Variants in RBFOX1 observed in about 807,000 individuals in gnomAD.
RBFOX1 encodes the protein RNA binding fox-1 homolog 1, also known as RNA binding protein fox-1 homolog 1.
Under a neutral mutation model 57.7 loss-of-function variants are expected in RBFOX1, and 8 were observed. That is an observed-to-expected ratio of 0.14 (90% CI 0.08 to 0.25). The LOEUF (loss-of-function observed/expected upper bound fraction) is 0.25, where lower values mean the gene tolerates loss of function less well. Ranked by LOEUF, RBFOX1 falls within the 10% of genes least tolerant of loss-of-function variation. The pLI, the probability that RBFOX1 is intolerant of heterozygous loss-of-function variation, is 1.00. For synonymous variants in RBFOX1, 326 were observed against 222.4 expected (o/e 1.47, Z -4.15); for missense variants, 611 against 548.5 (o/e 1.11, Z -1.14).
intron 5 of RBFOX1, among the ~76,000 whole-genome samples, chr16:7,571,165 C>T (rs532374151): frequency 2.6e-5 from 4 of 152,030 alleles, no homozygotes; most frequent in South Asian, 2.1e-4. Flanking sequence ...CCATGGCACA[C>T]GTTTACTTAT....
chr16:7,567,584 T>G, intron 5 of RBFOX1, among the ~76,000 whole-genome samples: 1 of 95,486 alleles, frequency 1.0e-5, no homozygotes, highest in Non-Finnish European at 2.5e-5. Flanking sequence ...TATATCCCTA[T>G]ATATGGCCCT....
At chr16:7,598,303 G>T (rs886181358) in intron 9 of RBFOX1, among the ~76,000 whole-genome samples, 1 of 152,032 alleles carries the variant, frequency 6.6e-6, no homozygotes, top group Non-Finnish European at 1.5e-5. Flanking sequence ...TGACATAAAT[G>T]TTTGTCGCAT....
chr16:6,705,774 T>C (rs191813877), intron 3 of RBFOX1, among the ~76,000 whole-genome samples: 63 of 152,202 alleles, frequency 4.1e-4, no homozygotes, highest in Non-Finnish European at 7.6e-4. Context: ...TCCCAGCAAT[T>C]TGGGAGCCCG....
intron 2 of RBFOX1, among the ~76,000 whole-genome samples, chr16:6,464,324 A>T (rs542959696): frequency 6.6e-6 from 1 of 152,354 alleles, no homozygotes; most frequent in African/African-American, 2.4e-5. Flanking sequence ...GCTTTTACGA[A>T]AAGATATACA....
intron 4 of RBFOX1, among the ~76,000 whole-genome samples, chr16:7,082,784 C>T (rs1446626607): frequency 1.3e-5 from 2 of 152,232 alleles, no homozygotes; most frequent in African/African-American, 4.8e-5. Context: ...GCCACTGAAA[C>T]AGAGAGGCCA....
At position 5,633,831 on chromosome 16, in the gene RBFOX1, C is replaced by T. The variant is rs147138609; in HGVS notation, c.318+34870C>T. On this transcript the variant is annotated intron_variant, in intron 3 of 19. Transcript: ENST00000641259. ...GGAGGCCACTGTCCTCCAGCCTGGG[C>T]GATAGAGTGAGACTCCGTCTTAAAA... 4.8e-3 allele frequency among the ~76,000 whole-genome samples: 696 copies of T among 145,062 alleles called. 6 individuals are homozygous for T. The highest frequency in any genetic ancestry group is 0.017 in the African/African-American group (650 of 38,468).
rs12919230 is a variant in RBFOX1, at chr16:7,040,022, C to T, written c.-15-12035C>T. Among the ~76,000 whole-genome samples the T allele has an allele frequency of 3.4e-4, 29 of 85,882 alleles. No individual in the cohort carries two copies. The South Asian group carries it at 0.01, about 30-fold the overall frequency. The allele number at this position is 85,882 out of a possible 152,430, so 56.3% of individuals were successfully genotyped here. ...GTTATTTTATTATTATTATTATTAT[C>T]ATTATTATTATTATTTTGAGACAAA... On this transcript the variant is annotated intron_variant, in intron 3 of 15. Coordinates refer to ENST00000550418, the MANE Select transcript of RBFOX1 (RefSeq NM_018723.4).
chr16:7,528,388 A>C (rs1386072265), intron 5 of RBFOX1, among the ~76,000 whole-genome samples: 1 of 152,338 alleles, frequency 6.6e-6, no homozygotes, highest in South Asian at 2.1e-4. Context: ...TCTGTAGCTC[A>C]TAGAGACTGC....
At chr16:5,747,182 A>C (rs1298096303) in intron 3 of RBFOX1, among the ~76,000 whole-genome samples, 1 of 152,248 alleles carries the variant, frequency 6.6e-6, no homozygotes, top group East Asian at 1.9e-4. Context: ...ATGCTGGATT[A>C]CATTTATTGA....
intron 3 of RBFOX1, among the ~76,000 whole-genome samples, chr16:6,753,196 T>C (rs2075247309): frequency 6.6e-6 from 1 of 152,190 alleles, no homozygotes; most frequent in Admixed American, 6.5e-5. Context: ...GGGTTGATGG[T>C]TGCAGAGAGG....
At chr16:6,787,585 C>A (rs537553670) in intron 3 of RBFOX1, among the ~76,000 whole-genome samples, 17 of 152,234 alleles carry the variant, frequency 1.1e-4, no homozygotes, top group African/African-American at 1.4e-4. Flanking sequence ...TCACCTGTGA[C>A]ACCCTTCACA....
intron 3 of RBFOX1, among the ~76,000 whole-genome samples, chr16:5,704,340 C>T (rs886889136): frequency 2.6e-5 from 4 of 152,060 alleles, no homozygotes; most frequent in Non-Finnish European, 4.4e-5. Flanking sequence ...TAAGTACTCT[C>T]TGCTTATCTC....
At chr16:7,440,366 G>A (rs1487822871) in intron 4 of RBFOX1, among the ~76,000 whole-genome samples, 1 of 152,150 alleles carries the variant, frequency 6.6e-6, no homozygotes, top group African/African-American at 2.4e-5. Context: ...CTTTCGAGGA[G>A]GGGGAAAGGA....
Position 5,594,919 on chromosome 16 carries a change from G to A in RBFOX1, c.259-3983G>A, listed in dbSNP as rs138233085. Among the ~76,000 whole-genome samples, 364 of 148,992 alleles carry A rather than the reference G, an allele frequency of 2.4e-3. 3 individuals carry two copies. The highest frequency in any genetic ancestry group is 8.7e-3 in the African/African-American group (350 of 40,270). On this transcript the variant is annotated intron_variant, in intron 2 of 2. Coordinates refer to the RBFOX1 transcript ENST00000585867. ...GGTTGAAGCAGGTGGATCACTTGAG[G>A]TCAGGAGTTGGAGACCAGCCTGGCC...
In RBFOX1 at chr16:7,245,324, T is replaced by A. The variant is rs74939567; in HGVS notation, c.27+193226T>A. 5.3e-3 allele frequency among the ~76,000 whole-genome samples: 801 copies of A among 152,342 alleles called. 15 individuals are homozygous for A. The highest frequency in any genetic ancestry group is 0.041 in the South Asian group (197 of 4,828). ...TGTTTCCTGTACTCTTGAGTTTTTT[T>A]AAATTTTATTTTAGGTTCCAAGATA... On this transcript the variant is annotated intron_variant, in intron 4 of 15. Coordinates refer to ENST00000550418, the MANE Select transcript of RBFOX1 (RefSeq NM_018723.4).
At chr16:6,983,998 A>C (rs1258015671) in intron 3 of RBFOX1, among the ~76,000 whole-genome samples, 1 of 152,170 alleles carries the variant, frequency 6.6e-6, no homozygotes, top group East Asian at 1.9e-4. Context: ...CTGTAATTCC[A>C]GCACTTTGGG....
chr16:7,369,680 G>T (rs2097532711), intron 4 of RBFOX1, among the ~76,000 whole-genome samples: 1 of 152,114 alleles, frequency 6.6e-6, no homozygotes, highest in Non-Finnish European at 1.5e-5. Flanking sequence ...TTCCTGGGAG[G>T]ATGGAGGGGC....
At chr16:7,020,834 A>G (rs2038792134) in intron 3 of RBFOX1, among the ~76,000 whole-genome samples, 1 of 152,022 alleles carries the variant, frequency 6.6e-6, no homozygotes, top group Non-Finnish European at 1.5e-5. Context: ...GCACTTAAGA[A>G]TTTTTCTCGA....
intron 1 of RBFOX1, among the ~76,000 whole-genome samples, chr16:6,278,800 G>A (rs184026405): frequency 6.1e-4 from 93 of 152,122 alleles, no homozygotes; most frequent in African/African-American, 2.1e-3. Flanking sequence ...ATAGAAACTC[G>A]ATATTGTTTA....
Sources: gnomAD v4.1 joint callset for allele counts (sites outside exome capture counted in the v4.1 genomes callset) on GRCh38, gnomAD v4.1.1 for gene constraint, MANE v1.5 for transcripts, NCBI Gene and HGNC (gene_info 2026-07-23, HGNC 2026-07-21) for gene names.